Variants in CCDC150 observed in about 807,000 individuals in gnomAD.
CCDC150 encodes the protein coiled-coil domain containing 150, also known as coiled-coil domain-containing protein 150.
CCDC150 carries 151 observed loss-of-function variants against 156.5 expected under a neutral mutation model. The ratio of observed to expected loss-of-function variants is 0.97; its 90% CI spans 0.85 to 1.10. The LOEUF (loss-of-function observed/expected upper bound fraction) is 1.10, where lower values mean the gene tolerates loss of function less well. CCDC150 is among the 50% of genes least tolerant of loss of function. The pLI is 0.00. For synonymous variants in CCDC150, 452 were observed against 429.4 expected, an observed-to-expected ratio of 1.05 and a Z score of -0.65; for missense variants, 1,312 against 1,268.1, an observed-to-expected ratio of 1.03 and a Z score of -0.53.
intron 9 of CCDC150, 49 bp from the exon 10 acceptor site, chr2:196,674,192 A>G: frequency 8.9e-7 from 1 of 1,117,852 alleles, no homozygotes; most frequent in Non-Finnish European, 1.3e-6. Flanking sequence ...ATAAGTAAAA[A>G]TAATTCTTTA....
chr2:196,669,052 A>G (rs994692039), intron 7 of CCDC150, among the ~76,000 whole-genome samples: 5 of 152,168 alleles, frequency 3.3e-5, no homozygotes, highest in African/African-American at 7.2e-5. Context: ...CTTTTTGGCT[A>G]CTAGTATATA....
At chr2:196,679,509 T>C (rs183076570) in intron 13 of CCDC150, among the ~76,000 whole-genome samples, 23 of 152,376 alleles carry the variant, frequency 1.5e-4, no homozygotes, top group Non-Finnish European at 3.2e-4. Context: ...ATTGCCTGGA[T>C]GTATCAGTTT....
At chr2:196,651,025 A>C (rs1692842110) in intron 2 of CCDC150, among the ~76,000 whole-genome samples, 1 of 152,128 alleles carries the variant, frequency 6.6e-6, no homozygotes, top group Non-Finnish European at 1.5e-5. Context: ...GGTAGGTTAC[A>C]TATTTCTAGG....
intron 26 of CCDC150, among the ~76,000 whole-genome samples, chr2:196,731,575 G>A (rs1481601885): frequency 2.6e-5 from 4 of 151,334 alleles, no homozygotes; most frequent in Admixed American, 2.6e-4. Flanking sequence ...TGGTAGAGAT[G>A]AGGTTCCACT....
At position 196,646,505 on chromosome 2, in the gene CCDC150, G is replaced by T; in HGVS notation, c.176+1G>T. 6.2e-7 allele frequency: 1 copy of T among 1,612,586 alleles called. No individual in the cohort carries two copies. Among genetic ancestry groups the T allele is most frequent in the Non-Finnish European group, 8.5e-7 (1 of 1,178,898 alleles). ...TAATGTTGGATTTTGGTGAAAAAAG[G>T]TAACAAAAATGAACTACATCTCTGT... On this transcript the variant is annotated splice_donor_variant, in intron 2 of 27. Transcript: ENST00000389175. LOFTEE classifies it high-confidence loss of function.
At position 196,713,270 on chromosome 2, in the gene CCDC150, CTG is replaced by C. The variant is rs1342801131; in HGVS notation, c.1866+535_1866+536del. On this transcript the variant is annotated intron_variant, in intron 17 of 27. Coordinates refer to ENST00000389175, the MANE Select transcript of CCDC150 (RefSeq NM_001080539.2). Reference sequence around the variant, plus strand: ...TTCCATTACGGCTCCTTCTAGAACACTGTGTTGTTTCTCCTAGTAAAGGGGCT... The same window carrying C: ...TTCCATTACGGCTCCTTCTAGAACACTGTTGTTTCTCCTAGTAAAGGGGCT... The C allele has an allele frequency of 2.2e-6, 3 of 1,391,132 alleles. No homozygotes were observed. In the African/African-American group the frequency reaches 4.4e-5, roughly 20 times the overall value. 86.2% of individuals were successfully genotyped at this position (1,391,132 alleles called of 1,614,324 possible). A position where few individuals can be genotyped will look rare whatever the true frequency, so the allele number is the denominator to read the frequency against.
At chr2:196,683,783 T>G (rs1259205543) in intron 13 of CCDC150, among the ~76,000 whole-genome samples, 1 of 152,046 alleles carries the variant, frequency 6.6e-6, no homozygotes, top group East Asian at 1.9e-4. Context: ...ATCTAGGCTA[T>G]CTAATTTGTT....
At position 196,730,031 on chromosome 2, in the gene CCDC150, A is replaced by G. The variant is rs1698441996; in HGVS notation, c.2895A>G (p.Gln965=). 1.2e-6 allele frequency: 2 copies of G among 1,613,888 alleles called. No individual in the cohort carries two copies. Among genetic ancestry groups the G allele is most frequent in the South Asian group, 1.1e-5 (1 of 91,008 alleles). ...QKEMQMLAKS[Q]YDASVRNKQQ... ...AGATGCAGATGTTGGCTAAGAGCCA[A>G]TATGATGCCTCAGTGCGGAATAAAC... Residue 965 remains glutamine, a synonymous_variant, in exon 25 of 28, where the codon CAA becomes CAG. Coordinates refer to ENST00000389175, the MANE Select transcript of CCDC150 (RefSeq NM_001080539.2).
chr2:196,730,755 C>A, intron 25 of CCDC150, 104 bp from the exon 26 acceptor site: 1 of 815,548 alleles, frequency 1.2e-6, no homozygotes, highest in Non-Finnish European at 2.0e-6. Context: ...AGAAGGCACT[C>A]CATCCTATTT....
In CCDC150 at chr2:196,712,211, C is replaced by A. The variant is rs749353929; in HGVS notation, c.1762C>A (p.Leu588Ile). The A allele has an allele frequency of 6.3e-7, 1 of 1,579,888 alleles. No homozygotes were observed. The highest frequency in any genetic ancestry group is 8.6e-7 in the Non-Finnish European group (1 of 1,159,420). ...FTDTSLQNDHLRKMNKYLQTK... is the reference protein window; with the variant it reads ...FTDTSLQNDHIRKMNKYLQTK... ...TGACACCAGCTTACAGAATGATCAT[C>A]TACGCAAGATGAATAAGTATTTACA... Residue 588 changes from leucine (L) to isoleucine (I), a missense_variant, in exon 16 of 28, where the codon CTA becomes ATA. By Grantham distance (5) the Leu-to-Ile change is conservative. Transcript: ENST00000389175.
intron 13 of CCDC150, among the ~76,000 whole-genome samples, chr2:196,679,001 T>TA (rs1359499190): frequency 1.3e-5 from 2 of 152,234 alleles, no homozygotes; most frequent in Non-Finnish European, 2.9e-5. Context: ...TCATTCGTCT[T>TA]AATGTAGACT....
At chr2:196,668,790 A>C (rs1694015379) in intron 7 of CCDC150, among the ~76,000 whole-genome samples, 1 of 152,200 alleles carries the variant, frequency 6.6e-6, no homozygotes, top group Non-Finnish European at 1.5e-5. Flanking sequence ...TTTCATTCTT[A>C]ACTTTGGTTA....
intron 15 of CCDC150, among the ~76,000 whole-genome samples, chr2:196,704,947 A>G (rs1456259294): frequency 2.0e-5 from 3 of 152,200 alleles, no homozygotes; most frequent in East Asian, 1.9e-4. Context: ...AATCCAGTCT[A>G]TCATCTATGA....
chr2:196,689,915 A>G (rs1240705200), intron 13 of CCDC150, among the ~76,000 whole-genome samples: 7 of 152,116 alleles, frequency 4.6e-5, no homozygotes, highest in South Asian at 2.1e-4. Flanking sequence ...TTTGAGATAC[A>G]TCCCATCAAT....
At chr2:196,646,119 A>G (rs564235121) in intron 1 of CCDC150, among the ~76,000 whole-genome samples, 1 of 152,124 alleles carries the variant, frequency 6.6e-6, no homozygotes, top group Admixed American at 6.6e-5. Context: ...AGAAAGTCCT[A>G]CCTGGGATGT....
chr2:196,657,889 G>A (rs1428310071), intron 4 of CCDC150, among the ~76,000 whole-genome samples: 1 of 152,108 alleles, frequency 6.6e-6, no homozygotes, highest in East Asian at 1.9e-4. Context: ...TTGTTACCCG[G>A]GTTTGAACCT....
chr2:196,646,638 A>G (rs932971324), intron 2 of CCDC150, 134 bp downstream of exon 2: 2 of 686,932 alleles, frequency 2.9e-6, no homozygotes, highest in African/African-American at 3.6e-5. Context: ...CATCACTTAG[A>G]AAACATTTGC....
intron 13 of CCDC150, among the ~76,000 whole-genome samples, chr2:196,690,986 T>C (rs1695428822): frequency 6.6e-6 from 1 of 152,246 alleles, no homozygotes; most frequent in East Asian, 1.9e-4. Context: ...TCTTTAGTTC[T>C]GTTTATGTGA....
At chr2:196,707,503 G>A (rs4274613) in intron 15 of CCDC150, among the ~76,000 whole-genome samples, 117,403 of 152,008 alleles carry the variant, frequency 0.77, 45,547 homozygotes, top group East Asian at 0.97. Flanking sequence ...TTGTGTCTCT[G>A]TCTCCTTCAG....
Sources: allele counts gnomAD v4.1 joint callset (sites outside exome capture counted in the v4.1 genomes callset), GRCh38; gene constraint gnomAD v4.1.1; transcripts MANE v1.5; gene names NCBI Gene and HGNC (gene_info 2026-07-23, HGNC 2026-07-21).